The following PARPBP variants were observed in gnomAD, a reference collection of about 807,000 sequenced individuals.
PARPBP encodes the protein PARP1 binding protein, also known as PCNA-interacting partner.
PARPBP carries 52 observed loss-of-function variants against 50.0 expected under a neutral mutation model. The observed-to-expected ratio is 1.04, with a 90% confidence interval of 0.83 to 1.31. PARPBP has a LOEUF of 1.31. Among genes scored for constraint, PARPBP ranks in the 50% most tolerant of loss-of-function variants. The pLI, the probability that PARPBP is intolerant of heterozygous loss-of-function variation, is 0.00. For missense variants in PARPBP, 697 were observed against 672.0 expected, an observed-to-expected ratio of 1.04 and a Z score of -0.41; for synonymous variants, 244 against 232.1, an observed-to-expected ratio of 1.05 and a Z score of -0.47.
At chr12:102,186,620 AT>A (rs1409171322) in intron 9 of PARPBP, among the ~76,000 whole-genome samples, 1 of 152,084 alleles carries the variant, frequency 6.6e-6, no homozygotes, top group African/African-American at 2.4e-5. Flanking sequence ...TTATTAAATG[AT>A]TTTTCAAGGA....
At chr12:102,131,448 A>G (rs1307908475) in intron 2 of PARPBP, among the ~76,000 whole-genome samples, 2 of 152,224 alleles carry the variant, frequency 1.3e-5, no homozygotes, top group African/African-American at 4.8e-5. Flanking sequence ...TTGAAGACCT[A>G]AAAACAGAAC....
chr12:102,169,740 A>G (rs527681575), intron 6 of PARPBP, among the ~76,000 whole-genome samples: 1 of 152,260 alleles, frequency 6.6e-6, no homozygotes, highest in South Asian at 2.1e-4. Flanking sequence ...TTCTGAAACA[A>G]CAAATGTTAC....
intron 2 of PARPBP, among the ~76,000 whole-genome samples, chr12:102,138,786 T>G (rs536499281): frequency 6.6e-6 from 1 of 152,360 alleles, no homozygotes; most frequent in South Asian, 2.1e-4. Context: ...TTGTCAAAGA[T>G]CAGATGGTTG....
rs1316599780 is a variant in PARPBP, at chr12:102,196,099, T to C, written c.1548T>C (p.Asp516=). 3 of 1,611,934 alleles carry C rather than the reference T, an allele frequency of 1.9e-6. No homozygotes were observed. Among genetic ancestry groups the C allele is most frequent in the Admixed American group, 1.7e-5 (1 of 59,772 alleles). Residue 516 remains aspartate (D), a synonymous_variant, in exon 11 of 11, where the codon GAT becomes GAC. Coordinates refer to ENST00000327680, the MANE Select transcript of PARPBP (RefSeq NM_017915.5). ...KSSKRKQVDL[D]GENILCDNRN... ...CAAAAAGGAAACAGGTGGATTTGGA[T>C]GGTGAAAATATTCTCTGTGATAATA...
chr12:102,155,039 G>T, intron 4 of PARPBP: 1 of 316,944 alleles, frequency 3.2e-6, no homozygotes, highest in Non-Finnish European at 6.1e-6. Flanking sequence ...TTGCCAATCA[G>T]AAAATCTTTG....
In PARPBP at chr12:102,196,103, G is replaced by T. The variant is rs747644593; in HGVS notation, c.1552G>T (p.Glu518Ter). ...AAGGAAACAGGTGGATTTGGATGGT[G>T]AAAATATTCTCTGTGATAATAGAAA... ...SKRKQVDLDG[E>*]NILCDNRNEP... is the part of the protein sequence containing the mutation. Residue 518 changes from glutamate to a stop codon, truncating the protein, a stop_gained, in exon 11 of 11, where the codon GAA becomes TAA. Coordinates refer to ENST00000327680, the MANE Select transcript of PARPBP (RefSeq NM_017915.5). LOFTEE classifies it low-confidence loss of function (END_TRUNC). The T allele has an allele frequency of 6.2e-7, 1 of 1,611,976 alleles. No individual in the cohort carries two copies. The highest frequency in any genetic ancestry group is 1.1e-5 in the South Asian group (1 of 90,988).
In PARPBP at chr12:102,156,133, G is replaced by A. The variant is rs113661880; in HGVS notation, c.495+2157G>A. 9.6e-3 allele frequency among the ~76,000 whole-genome samples: 1,344 copies of A among 140,556 alleles called. 22 individuals are homozygous for A. Among genetic ancestry groups the A allele is most frequent in the African/African-American group, 0.034 (1,261 of 37,462 alleles). The allele number at this position is 140,556 out of a possible 152,430, so 92.2% of individuals were successfully genotyped here. Reference sequence around the variant, plus strand: ...GGAGCTCTAAGAACAAGGACACCCTGATAACACCATGATCACTCATATTTG... The same window carrying A: ...GGAGCTCTAAGAACAAGGACACCCTAATAACACCATGATCACTCATATTTG... On this transcript the variant is annotated intron_variant, in intron 4 of 10. Transcript: ENST00000327680.
intron 1 of PARPBP, among the ~76,000 whole-genome samples, chr12:102,120,672 G>GC (rs1880883326): frequency 6.6e-6 from 1 of 152,130 alleles, no homozygotes; most frequent in Admixed American, 6.5e-5. Flanking sequence ...ACTTGCACTC[G>GC]AACACTGATA....
chr12:102,196,405 G>A lies in PARPBP; in HGVS notation c.*114G>A. ...TGATGATTTATTATTTTGGTCTACAGTGTATGTAAGGTTAGTATGTTAAGC... is the reference window on the plus strand; with the variant it reads ...TGATGATTTATTATTTTGGTCTACAATGTATGTAAGGTTAGTATGTTAAGC... On this transcript the variant is annotated 3_prime_UTR_variant, in exon 11 of 11. Transcript: ENST00000327680. 1 of 779,510 alleles carries A rather than the reference G, an allele frequency of 1.3e-6. No individual in the cohort carries two copies. The highest frequency in any genetic ancestry group is 2.1e-6 in the Non-Finnish European group (1 of 478,780). 48.3% of individuals were successfully genotyped at this position (779,510 alleles called of 1,614,324 possible). A position where few individuals can be genotyped will look rare whatever the true frequency, so the allele number is the denominator to read the frequency against.
rs550906419 is a variant in PARPBP, at chr12:102,136,772, C to T, written c.154-11458C>T. On this transcript the variant is annotated intron_variant, in intron 2 of 10. Transcript: ENST00000327680. ...GTTAGCTTAGGCATCCTCAACTGTG[C>T]TCTGACTTCCAAGCAGTATGAAACA... Among the ~76,000 whole-genome samples, 103 of 152,274 alleles carry T rather than the reference C, an allele frequency of 6.8e-4. 3 individuals are homozygous for T. The South Asian group carries it at 0.018, about 27-fold the overall frequency.
chr12:102,167,217 G>A (rs559199834), intron 6 of PARPBP, among the ~76,000 whole-genome samples: 2 of 151,998 alleles, frequency 1.3e-5, no homozygotes, highest in South Asian at 4.1e-4. Flanking sequence ...CCCTTATTTT[G>A]CTCAAGTAGC....
At chr12:102,186,138 T>C (rs562973821) in intron 9 of PARPBP, among the ~76,000 whole-genome samples, 20 of 152,172 alleles carry the variant, frequency 1.3e-4, no homozygotes, top group Non-Finnish European at 2.4e-4. Flanking sequence ...ACCCTTTGAA[T>C]TTCTGCAATA....
At chr12:102,145,358 T>C (rs1318493041) in intron 2 of PARPBP, among the ~76,000 whole-genome samples, 1 of 152,156 alleles carries the variant, frequency 6.6e-6, no homozygotes, top group Non-Finnish European at 1.5e-5. Context: ...GACAGCAATG[T>C]ATTACATTTC....
At chr12:102,129,282 C>A (rs1242791315) in intron 2 of PARPBP, among the ~76,000 whole-genome samples, 2 of 152,110 alleles carry the variant, frequency 1.3e-5, no homozygotes, top group East Asian at 3.8e-4. Context: ...CCACTGCATC[C>A]TGCTCTTTTG....
intron 2 of PARPBP, among the ~76,000 whole-genome samples, chr12:102,145,012 G>T (rs1885163232): frequency 6.6e-6 from 1 of 152,100 alleles, no homozygotes; most frequent in African/African-American, 2.4e-5. Context: ...GGACAATGAG[G>T]ATAATTTTTT....
intron 6 of PARPBP, among the ~76,000 whole-genome samples, 162 bp from the exon 7 acceptor site, chr12:102,175,321 C>CT (rs1190467171): frequency 1.3e-5 from 2 of 152,062 alleles, no homozygotes; most frequent in African/African-American, 4.8e-5. Flanking sequence ...AATTTTGTTT[C>CT]TAATGGTCCT....
At chr12:102,193,850 T>G (rs908924094) in intron 9 of PARPBP, among the ~76,000 whole-genome samples, 3 of 152,070 alleles carry the variant, frequency 2.0e-5, no homozygotes, top group Non-Finnish European at 4.4e-5. Flanking sequence ...GGTAGTGGGT[T>G]GTGAGTCCAT....
intron 7 of PARPBP, among the ~76,000 whole-genome samples, chr12:102,177,666 G>GT (rs1416833928): frequency 1.3e-5 from 2 of 151,762 alleles, no homozygotes; most frequent in Non-Finnish European, 2.9e-5. Context: ...GATAACATTC[G>GT]TATCTCACAA....
chr12:102,196,693 A>G lies in PARPBP; in HGVS notation c.*402A>G. ...GGTCGGTAGACTCTTCCCAGCATAC[A>G]TCTGAGCACTGAAGGAAGAAGAAAG... On this transcript the variant is annotated 3_prime_UTR_variant, in exon 11 of 11. Transcript: ENST00000327680. The G allele has an allele frequency of 1.2e-6, 2 of 1,608,000 alleles. No homozygotes were observed. The highest frequency in any genetic ancestry group is 1.7e-6 in the Non-Finnish European group (2 of 1,175,120).
Sources: allele counts gnomAD v4.1 joint callset (sites outside exome capture counted in the v4.1 genomes callset), GRCh38; gene constraint gnomAD v4.1.1; transcripts MANE v1.5; gene names NCBI Gene and HGNC (gene_info 2026-07-23, HGNC 2026-07-21).